Variants in ZEB1 observed in about 807,000 individuals in gnomAD.
The protein encoded by ZEB1 is zinc finger E-box binding homeobox 1.
A neutral mutation model predicts 84.9 loss-of-function variants in ZEB1; 21 were observed. That is an observed-to-expected ratio of 0.25 (90% CI 0.18 to 0.36). ZEB1 has a LOEUF of 0.36. Among genes scored for constraint, ZEB1 ranks in the 10% least tolerant of loss-of-function variants. ZEB1 has a pLI of 1.00. For missense variants in ZEB1, 1,104 were observed against 1,330.2 expected, an observed-to-expected ratio of 0.83 and a Z score of 2.65; for synonymous variants, 420 against 471.1, an observed-to-expected ratio of 0.89 and a Z score of 1.41.
At chr10:31,403,884 T>C (rs868144481) in intron 1 of ZEB1, among the ~76,000 whole-genome samples, 11 of 152,212 alleles carry the variant, frequency 7.2e-5, no homozygotes, top group Middle Eastern at 3.4e-3. Context: ...CTGTTAGGTC[T>C]GCAGAAGTCA....
chr10:31,466,597 T>G (rs1237441920), intron 2 of ZEB1, among the ~76,000 whole-genome samples: 1 of 152,150 alleles, frequency 6.6e-6, no homozygotes, highest in African/African-American at 2.4e-5. Context: ...AAACATGGAA[T>G]GCAGCAAAAG....
chr10:31,391,362 A>T (rs112372254), intron 1 of ZEB1, among the ~76,000 whole-genome samples: 1 of 151,740 alleles, frequency 6.6e-6, no homozygotes, highest in Admixed American at 6.6e-5. Context: ...AAAGGTCTCA[A>T]ATATAGCTTT....
At chr10:31,394,905 A>ATGT (rs1326768842) in intron 1 of ZEB1, among the ~76,000 whole-genome samples, 1 of 152,070 alleles carries the variant, frequency 6.6e-6, no homozygotes, top group Admixed American at 6.6e-5. Flanking sequence ...ATATAGAGAG[A>ATGT]TATTTACAAG....
intron 1 of ZEB1, among the ~76,000 whole-genome samples, chr10:31,442,033 T>C (rs1033336249): frequency 1.1e-4 from 17 of 152,184 alleles, no homozygotes; most frequent in Non-Finnish European, 2.2e-4. Context: ...AGAAATACCA[T>C]TTGACCCAGC....
rs895429753 is a variant in ZEB1, at chr10:31,528,190, A to G, written c.*926A>G. 2.0e-5 allele frequency: 3 copies of G among 152,166 alleles called. No individual in the cohort carries two copies. Among genetic ancestry groups the G allele is most frequent in the Admixed American group, 6.5e-5 (1 of 15,274 alleles). The allele number at this position is 152,166 out of a possible 1,614,324, so 9.4% of individuals were successfully genotyped here. On this transcript the variant is annotated 3_prime_UTR_variant, in exon 9 of 9. Coordinates refer to ENST00000424869, the MANE Select transcript of ZEB1 (RefSeq NM_001174096.2). The stretch of plus-strand genomic sequence containing the variant: ...CAAGGCTCTAACCCGCCTTCATCCA[A>G]TGTGTGGCCTACAATAACTAGCATT...
At chr10:31,514,497 C>A (rs2139619183) in intron 5 of ZEB1, 106 bp from the exon 6 acceptor site, 1 of 1,005,080 alleles carries the variant, frequency 9.9e-7, no homozygotes, top group Non-Finnish European at 1.5e-6. Flanking sequence ...AGAAACAAAA[C>A]AAAACAACCA....
intron 1 of ZEB1, among the ~76,000 whole-genome samples, chr10:31,322,471 T>A (rs2034377401): frequency 6.6e-6 from 1 of 152,226 alleles, no homozygotes; most frequent in South Asian, 2.1e-4. Flanking sequence ...CTAAGCCTTC[T>A]GTAAAATATT....
chr10:31,385,074 A>C (rs2048377209), intron 1 of ZEB1, among the ~76,000 whole-genome samples: 1 of 152,144 alleles, frequency 6.6e-6, no homozygotes, highest in South Asian at 2.1e-4. Flanking sequence ...TTTTGTTTTA[A>C]ATCTCTTTTT....
intron 2 of ZEB1, among the ~76,000 whole-genome samples, chr10:31,488,614 A>G (rs990494758): frequency 6.6e-6 from 1 of 150,674 alleles, no homozygotes; most frequent in African/African-American, 2.4e-5. Context: ...GTTTTAATAC[A>G]CAATTCAGAA....
intron 1 of ZEB1, among the ~76,000 whole-genome samples, chr10:31,338,854 A>G (rs1362071080): frequency 6.6e-6 from 1 of 152,152 alleles, no homozygotes; most frequent in Non-Finnish European, 1.5e-5. Flanking sequence ...GTTTAACAGT[A>G]GCGTGTATAA....
intron 1 of ZEB1, among the ~76,000 whole-genome samples, chr10:31,432,929 C>G (rs2057892071): frequency 6.6e-6 from 1 of 152,106 alleles, no homozygotes; most frequent in African/African-American, 2.4e-5. Flanking sequence ...ATATCTGCTT[C>G]TATATTCTAG....
At chr10:31,424,908 A>G (rs1206219634) in intron 1 of ZEB1, among the ~76,000 whole-genome samples, 1 of 152,076 alleles carries the variant, frequency 6.6e-6, no homozygotes, top group African/African-American at 2.4e-5. Flanking sequence ...ACAGGCTATA[A>G]ACAAAACAGT....
At chr10:31,347,125 C>A (rs1014595063) in intron 1 of ZEB1, among the ~76,000 whole-genome samples, 1 of 151,996 alleles carries the variant, frequency 6.6e-6, no homozygotes, top group Admixed American at 6.6e-5. Flanking sequence ...TAACTACCTT[C>A]AAGTGATTAT....
At chr10:31,474,882 TA>T (rs1424087898) in intron 2 of ZEB1, among the ~76,000 whole-genome samples, 3 of 151,952 alleles carry the variant, frequency 2.0e-5, no homozygotes, top group South Asian at 2.1e-4. Flanking sequence ...TATGCAGCCA[TA>T]AAAAAGGATG....
intron 1 of ZEB1, among the ~76,000 whole-genome samples, chr10:31,442,722 G>C (rs1416018940): frequency 1.3e-5 from 2 of 152,032 alleles, no homozygotes; most frequent in Non-Finnish European, 2.9e-5. Context: ...AGAAGCAGTT[G>C]GTGAGTTAAG....
chr10:31,387,486 T>A (rs2048837207), intron 1 of ZEB1, among the ~76,000 whole-genome samples: 1 of 152,150 alleles, frequency 6.6e-6, no homozygotes, highest in African/African-American at 2.4e-5. Context: ...TGTTTTACTT[T>A]AAAAAAAATC....
At chr10:31,342,344 G>A (rs2039535550) in intron 1 of ZEB1, among the ~76,000 whole-genome samples, 1 of 152,102 alleles carries the variant, frequency 6.6e-6, no homozygotes, top group Non-Finnish European at 1.5e-5. Flanking sequence ...GGGAGCTGAT[G>A]GAAAATAGAG....
chr10:31,509,145 G>A (rs73243711), intron 4 of ZEB1, among the ~76,000 whole-genome samples: 8,841 of 152,218 alleles, frequency 0.058, 721 homozygotes, highest in African/African-American at 0.18. Context: ...TCTGTTGGGG[G>A]TTGGGCTCTC....
At chr10:31,403,845 A>G (rs1203601885) in intron 1 of ZEB1, among the ~76,000 whole-genome samples, 3 of 152,124 alleles carry the variant, frequency 2.0e-5, no homozygotes, top group Non-Finnish European at 2.9e-5. Flanking sequence ...AAATAAAAAC[A>G]CATTGATAAT....
Sources: gnomAD v4.1 joint callset for allele counts (sites outside exome capture counted in the v4.1 genomes callset) on GRCh38, gnomAD v4.1.1 for gene constraint, MANE v1.5 for transcripts, NCBI Gene and HGNC (gene_info 2026-07-23, HGNC 2026-07-21) for gene names.